Variants in USP4 observed in about 807,000 individuals in gnomAD.
USP4 encodes ubiquitin carboxyl-terminal hydrolase 4.
USP4 carries 72 observed loss-of-function variants against 118.2 expected under a neutral mutation model. That is an observed-to-expected ratio of 0.61 (90% CI 0.50 to 0.74). The LOEUF is 0.74. USP4 is among the 30% of genes least tolerant of loss of function. The probability of loss-of-function intolerance (pLI) is 0.00; values close to 1 mark genes in which losing one functional copy is unlikely to be tolerated. For missense variants in USP4, 1,037 were observed against 1,185.7 expected, an observed-to-expected ratio of 0.87 and a Z score of 1.84; for synonymous variants, 415 against 440.4, an observed-to-expected ratio of 0.94 and a Z score of 0.72.
At chr3:49,308,103 G>T (rs2047338486) in intron 8 of USP4, among the ~76,000 whole-genome samples, 1 of 152,146 alleles carries the variant, frequency 6.6e-6, no homozygotes, top group Non-Finnish European at 1.5e-5. Context: ...TGTTATGCCT[G>T]ATAGGACTGT....
rs147508794 is a variant in USP4 at position 49,294,526 on chromosome 3, C to A, written c.1764G>T (p.Lys588Asn). The change falls in exon 14 of 22, where the codon AAG becomes AAT. Residue 588 changes from lysine to asparagine, a missense_variant. Coordinates refer to ENST00000265560, the MANE Select transcript of USP4 (RefSeq NM_003363.4). ...VTLPVYFRER[K>N]SRPSSTSSAS... ...CGGAGGAAGTGCTTGATGGCCTGGACTTCCTCTCCCTGAAGTAGACTGGAA... is the reference window on the plus strand; with the variant it reads ...CGGAGGAAGTGCTTGATGGCCTGGAATTCCTCTCCCTGAAGTAGACTGGAA... 5.6e-6 allele frequency: 9 copies of A among 1,614,220 alleles called. No individual in the cohort carries two copies. The East Asian group carries it at 2.0e-4, about 36-fold the overall frequency.
At chr3:49,311,231 C>T (rs1284450219) in intron 7 of USP4, among the ~76,000 whole-genome samples, 1 of 152,168 alleles carries the variant, frequency 6.6e-6, no homozygotes, top group Non-Finnish European at 1.5e-5. Context: ...TACGGGCCAG[C>T]CCATCCCTTC....
intron 3 of USP4, among the ~76,000 whole-genome samples, chr3:49,327,233 T>A (rs949045575): frequency 1.3e-5 from 2 of 152,044 alleles, no homozygotes; most frequent in African/African-American, 4.8e-5. Context: ...ACAACCACAA[T>A]TTCCTAAAGA....
At chr3:49,329,960 T>C (rs1188612212) in intron 2 of USP4, among the ~76,000 whole-genome samples, 2 of 151,946 alleles carry the variant, frequency 1.3e-5, no homozygotes, top group Admixed American at 6.6e-5. Flanking sequence ...GCCAACATGG[T>C]GAAACCTGGT....
chr3:49,313,829 A>C (rs1052521510), intron 6 of USP4: 20 of 152,188 alleles, frequency 1.3e-4, no homozygotes, highest in Non-Finnish European at 2.9e-4. Context: ...ATAAGGACAT[A>C]AGGAAGAAAG....
intron 6 of USP4, among the ~76,000 whole-genome samples, chr3:49,317,938 C>A (rs773044585): frequency 2.6e-5 from 4 of 151,898 alleles, no homozygotes; most frequent in African/African-American, 7.3e-5. Flanking sequence ...TGGGTTTAAG[C>A]GAGTCTCTTG....
intron 13 of USP4, among the ~76,000 whole-genome samples, 157 bp from the exon 14 acceptor site, chr3:49,294,755 G>C (rs1383233206): frequency 6.6e-6 from 1 of 152,146 alleles, no homozygotes; most frequent in East Asian, 1.9e-4. Context: ...CGTTTCTAGA[G>C]GTTGAGTCAG....
chr3:49,320,348 A>C (rs1352084343), intron 6 of USP4, among the ~76,000 whole-genome samples: 1 of 152,212 alleles, frequency 6.6e-6, no homozygotes, highest in African/African-American at 2.4e-5. Context: ...AGGCTGAGGC[A>C]GGAGAATTGC....
rs754233992 is a variant in USP4 at position 49,300,537 on chromosome 3, AGT to A, written c.1440_1441del (p.Leu481AlafsTer16). 30 of 1,614,228 alleles carry A rather than the reference AGT, an allele frequency of 1.9e-5. No homozygotes were observed. The highest frequency in any genetic ancestry group is 2.5e-5 in the Non-Finnish European group (30 of 1,180,046). On this transcript the variant is annotated frameshift_variant, in exon 11 of 22. Transcript: ENST00000265560. LOFTEE classifies it high-confidence loss of function. ...CATAACTCGATCTTTCTTCAAGGGC[AGT>A]GGCAGCGTTAGATAGCAAAATGGGT...
chr3:49,313,557 G>C (rs2047407804), intron 6 of USP4, among the ~76,000 whole-genome samples: 1 of 151,992 alleles, frequency 6.6e-6, no homozygotes, highest in African/African-American at 2.4e-5. Flanking sequence ...GGCAATAAGA[G>C]ATGACTTTCC....
chr3:49,335,773 C>T (rs1559482777), intron 1 of USP4, among the ~76,000 whole-genome samples, 177 bp from the exon 2 acceptor site: 1 of 152,194 alleles, frequency 6.6e-6, no homozygotes, highest in Non-Finnish European at 1.5e-5. Flanking sequence ...GAGTCTGGCC[C>T]AGGGTATGCA....
At chr3:49,323,053 C>T (rs1242756218) in intron 6 of USP4, among the ~76,000 whole-genome samples, 6 of 150,830 alleles carry the variant, frequency 4.0e-5, no homozygotes, top group Non-Finnish European at 7.4e-5. Flanking sequence ...CTGCAACCTC[C>T]GCCTCCCGGG....
At position 49,338,223 on chromosome 3, in the gene USP4, T is replaced by A. The variant is rs1018071071; in HGVS notation, c.101+1701A>T. On this transcript the variant is annotated intron_variant, in intron 1 of 21. Coordinates refer to ENST00000265560, the MANE Select transcript of USP4 (RefSeq NM_003363.4). ...GAGGTCACAAGGATCCATAAACACATCCATCTCTAAAATGCTATTTTTCTT... is the reference window on the plus strand; with the variant it reads ...GAGGTCACAAGGATCCATAAACACAACCATCTCTAAAATGCTATTTTTCTT... Among the ~76,000 whole-genome samples the A allele has an allele frequency of 7.9e-5, 12 of 152,132 alleles. No individual in the cohort carries two copies. The Middle Eastern group carries it at 0.017, about 216-fold the overall frequency.
intron 20 of USP4, chr3:49,279,184 A>G (rs2046991570): frequency 5.1e-6 from 1 of 195,510 alleles, no homozygotes; most frequent in Non-Finnish European, 1.0e-5. Context: ...TTCAGTGCCA[A>G]TCTTCAGGAT....
intron 12 of USP4, 27 bp downstream of exon 12, chr3:49,298,525 C>A (rs767993108): frequency 6.2e-7 from 1 of 1,610,158 alleles, no homozygotes; most frequent in South Asian, 1.1e-5. Context: ...CCAAATAGAC[C>A]GAGTGCCACT....
At chr3:49,316,752 T>C (rs1475947633) in intron 6 of USP4, 6 of 396,964 alleles carry the variant, frequency 1.5e-5, no homozygotes, top group African/African-American at 6.0e-5. Flanking sequence ...CCCCCTGCCC[T>C]GGGCCTCTGC....
At position 49,319,767 on chromosome 3, in the gene USP4, C is replaced by T. The variant is rs543821711; in HGVS notation, c.695+4935G>A. ...TAGCTGGGATTACAGGTGCACGCCACCACTCCTGGCTAATTTTCTGTACTT... is the reference window on the plus strand; with the variant it reads ...TAGCTGGGATTACAGGTGCACGCCATCACTCCTGGCTAATTTTCTGTACTT... On this transcript the variant is annotated intron_variant, in intron 6 of 21. Transcript: ENST00000265560. Among the ~76,000 whole-genome samples the T allele has an allele frequency of 5.9e-5, 9 of 152,146 alleles. No individual in the cohort carries two copies. The South Asian group carries it at 1.9e-3, about 32-fold the overall frequency.
rs536530813 is a variant in USP4, at chr3:49,280,491, G to A, written c.2644+253C>T. ...CAGGAGAATGGCGTGAACCTGGGAG[G>A]CAGAGCTTGCAGTGAGTGAGATTGC... On this transcript the variant is annotated intron_variant, in intron 20 of 21. Transcript: ENST00000265560. 3.3e-5 allele frequency among the ~76,000 whole-genome samples: 5 copies of A among 150,938 alleles called. No individual in the cohort carries two copies. The East Asian group carries it at 9.7e-4, about 29-fold the overall frequency.
intron 8 of USP4, among the ~76,000 whole-genome samples, 197 bp from the exon 9 acceptor site, chr3:49,306,085 G>A (rs761380564): frequency 4.6e-5 from 7 of 152,166 alleles, no homozygotes; most frequent in East Asian, 1.9e-4. Context: ...AGCTAATCTC[G>A]GAGGGACGTG....
Sources: gnomAD v4.1 joint callset for allele counts (sites outside exome capture counted in the v4.1 genomes callset) on GRCh38, gnomAD v4.1.1 for gene constraint, MANE v1.5 for transcripts, NCBI Gene and HGNC (gene_info 2026-07-23, HGNC 2026-07-21) for gene names.